GPR89A: variants seen among roughly 807,000 people sequenced by gnomAD.
GPR89A encodes G protein-coupled receptor 89A.
Under a neutral mutation model 52.0 loss-of-function variants are expected in GPR89A, and 16 were observed. The observed-to-expected ratio is 0.31, with a 90% CI of 0.21 to 0.47. The LOEUF (loss-of-function observed/expected upper bound fraction) is 0.47, where lower values mean the gene tolerates loss of function less well. Among genes scored for constraint, GPR89A ranks in the 20% least tolerant of loss-of-function variants. The pLI is 1.00. For missense variants in GPR89A, 135 were observed against 449.4 expected (o/e 0.30, Z 6.33); for synonymous variants, 55 against 150.9 (o/e 0.36, Z 4.66).
At chr1:145,665,852 G>C (rs1330527297) in intron 12 of GPR89A, among the ~76,000 whole-genome samples, 3 of 149,048 alleles carry the variant, frequency 2.0e-5, no homozygotes, top group Non-Finnish European at 3.0e-5. Context: ...AAATTAGCTG[G>C]GTGTGGTGGC....
chr1:145,657,381 A>T, intron 10 of GPR89A, among the ~76,000 whole-genome samples: 1 of 144,588 alleles, frequency 6.9e-6, no homozygotes, highest in Non-Finnish European at 1.5e-5. Flanking sequence ...ACAGAGGGAG[A>T]CTCTGTCTCA....
chr1:145,611,750 C>CT (rs1648297039), intron 1 of GPR89A, among the ~76,000 whole-genome samples: 1 of 151,838 alleles, frequency 6.6e-6, no homozygotes, highest in Admixed American at 6.6e-5. Context: ...CCCAACTTCT[C>CT]TGTCTTCAGT....
Position 145,623,729 on chromosome 1 carries a change from G to A in GPR89A, c.415+15G>A, listed in dbSNP as rs1559028345. On this transcript the variant is annotated intron_variant, in intron 5 of 13. Transcript: ENST00000313835. ...CCCAAAACATGGTGAGTATATATAG[G>A]AGGGCAGAGGAAGTGGGGGGAGACG... 4 of 1,593,596 alleles carry A rather than the reference G, an allele frequency of 2.5e-6. No individual in the cohort carries two copies. Among genetic ancestry groups the A allele is most frequent in the East Asian group, 4.5e-5 (2 of 44,724 alleles).
chr1:145,629,244 T>G (rs1190373582), intron 5 of GPR89A, among the ~76,000 whole-genome samples: 2 of 152,170 alleles, frequency 1.3e-5, no homozygotes, highest in African/African-American at 4.8e-5. Context: ...GGATGCTACT[T>G]TGTTCTAAGG....
chr1:145,626,804 G>A (rs1649528028), intron 5 of GPR89A, among the ~76,000 whole-genome samples: 2 of 151,722 alleles, frequency 1.3e-5, no homozygotes, highest in Admixed American at 1.3e-4. Flanking sequence ...AGAAAAATTA[G>A]CCAGGCATGG....
intron 3 of GPR89A, among the ~76,000 whole-genome samples, chr1:145,620,371 A>C (rs1451534541): frequency 1.6e-4 from 24 of 152,198 alleles, no homozygotes; most frequent in Middle Eastern, 3.4e-3. Flanking sequence ...TTTGCCAGCT[A>C]CTCATCTAAA....
intron 3 of GPR89A, among the ~76,000 whole-genome samples, chr1:145,619,598 T>TA (rs1329171165): frequency 2.6e-5 from 4 of 151,584 alleles, no homozygotes; most frequent in East Asian, 3.9e-4. Context: ...CCCCATCTCT[T>TA]AAAAAAAAGA....
intron 10 of GPR89A, among the ~76,000 whole-genome samples, chr1:145,650,802 G>A (rs1553693404): frequency 6.6e-6 from 1 of 151,766 alleles, no homozygotes; most frequent in East Asian, 1.9e-4. Context: ...TTTGAGAATT[G>A]TCTGTTCATG....
At chr1:145,615,053 T>C (rs1648573065) in intron 1 of GPR89A, among the ~76,000 whole-genome samples, 2 of 152,192 alleles carry the variant, frequency 1.3e-5, no homozygotes, top group African/African-American at 4.8e-5. Context: ...AAAAGAGTAG[T>C]TGTGTCAGTG....
At chr1:145,666,840 G>T (rs1553696544) in intron 12 of GPR89A, among the ~76,000 whole-genome samples, 1 of 151,846 alleles carries the variant, frequency 6.6e-6, no homozygotes. Context: ...TGCTGAGAAT[G>T]ATGGTTTCCA....
intron 10 of GPR89A, among the ~76,000 whole-genome samples, chr1:145,652,212 T>A (rs1410582098): frequency 6.8e-6 from 1 of 147,744 alleles, no homozygotes; most frequent in Non-Finnish European, 1.5e-5. Context: ...TGAAGGGATG[T>A]TGAATTTTAT....
chr1:145,629,364 A>G (rs1172312239), intron 5 of GPR89A, among the ~76,000 whole-genome samples: 3 of 152,064 alleles, frequency 2.0e-5, no homozygotes, highest in African/African-American at 4.8e-5. Flanking sequence ...ATTCATGACC[A>G]TAGTGTAGAG....
At chr1:145,614,126 TG>T (rs1393422820) in intron 1 of GPR89A, among the ~76,000 whole-genome samples, 1 of 152,118 alleles carries the variant, frequency 6.6e-6, no homozygotes, top group African/African-American at 2.4e-5. Flanking sequence ...ATGTTAGGGG[TG>T]GTGGAAACCT....
intron 2 of GPR89A, among the ~76,000 whole-genome samples, chr1:145,617,153 C>T (rs1648763344): frequency 6.6e-6 from 1 of 152,134 alleles, no homozygotes; most frequent in Non-Finnish European, 1.5e-5. Context: ...AAGACAGACA[C>T]TCCCAGAGCG....
At chr1:145,656,905 T>A (rs587758797) in intron 10 of GPR89A, among the ~76,000 whole-genome samples, 49 of 152,108 alleles carry the variant, frequency 3.2e-4, no homozygotes, top group African/African-American at 1.2e-3. Context: ...GAAAAGGTGT[T>A]GGATTTTGTT....
intron 3 of GPR89A, among the ~76,000 whole-genome samples, chr1:145,621,640 A>C (rs1468620456): frequency 6.6e-6 from 1 of 150,716 alleles, no homozygotes. Flanking sequence ...GTGAACCAAC[A>C]TTCCAAAAAC....
intron 10 of GPR89A, among the ~76,000 whole-genome samples, chr1:145,657,436 T>C (rs1312123129): frequency 4.0e-5 from 6 of 149,678 alleles, no homozygotes; most frequent in South Asian, 2.1e-4. Context: ...TATTGGACTA[T>C]AGTTTTCTTT....
In GPR89A at chr1:145,616,424, T is replaced by C. The variant is rs1425092539; in HGVS notation, c.102+131T>C. The stretch of plus-strand genomic sequence containing the variant: ...TACCAAATAAGTACTATATAACTAT[T>C]AGATTGCAGAATATAAGTAGACTTA... On this transcript the variant is annotated intron_variant, in intron 2 of 13. Coordinates refer to ENST00000313835, the MANE Select transcript of GPR89A (RefSeq NM_001097612.2). 1.1e-5 allele frequency: 8 copies of C among 761,266 alleles called. No homozygotes were observed. In the African/African-American group the frequency reaches 1.2e-4, roughly 12 times the overall value. The allele number at this position is 761,266 out of a possible 1,614,324, so 47.2% of individuals were successfully genotyped here. A position where few individuals can be genotyped will look rare whatever the true frequency, so the allele number is the denominator to read the frequency against.
At chr1:145,624,768 A>G (rs1197709659) in intron 5 of GPR89A, among the ~76,000 whole-genome samples, 4 of 136,718 alleles carry the variant, frequency 2.9e-5, no homozygotes, top group African/African-American at 1.1e-4. Context: ...CTCAGGGTCT[A>G]TGACATCAGG....
Sources: allele counts gnomAD v4.1 joint callset (sites outside exome capture counted in the v4.1 genomes callset), GRCh38; gene constraint gnomAD v4.1.1; transcripts MANE v1.5; gene names NCBI Gene and HGNC (gene_info 2026-07-23, HGNC 2026-07-21).